TMEM132D: variants seen among roughly 807,000 people sequenced by gnomAD.
TMEM132D encodes transmembrane protein 132D.
TMEM132D carries 21 observed loss-of-function variants against 62.3 expected under a neutral mutation model. That is an observed-to-expected ratio of 0.34 (90% CI 0.24 to 0.49). The LOEUF (loss-of-function observed/expected upper bound fraction) is 0.49. Among genes scored for constraint, TMEM132D ranks in the 20% least tolerant of loss-of-function variants. TMEM132D has a pLI of 0.99. For synonymous variants in TMEM132D, 621 were observed against 575.6 expected (o/e 1.08, Z -1.13); for missense variants, 1,346 against 1,402.8 (o/e 0.96, Z 0.65).
intron 2 of TMEM132D, among the ~76,000 whole-genome samples, chr12:129,564,357 A>G (rs1877313534): frequency 6.6e-6 from 1 of 152,228 alleles, no homozygotes; most frequent in Non-Finnish European, 1.5e-5. Context: ...GATCTGACAG[A>G]ATTAACAGAC....
intron 3 of TMEM132D, among the ~76,000 whole-genome samples, chr12:129,420,830 C>T (rs891378363): frequency 1.3e-5 from 2 of 152,120 alleles, no homozygotes; most frequent in Admixed American, 6.5e-5. Context: ...GTGAGACAAC[C>T]CAGGAATGTT....
intron 1 of TMEM132D, among the ~76,000 whole-genome samples, chr12:129,733,387 T>TC (rs1220521576): frequency 2.6e-5 from 4 of 152,078 alleles, no homozygotes; most frequent in Admixed American, 2.0e-4. Context: ...CAGAGCCTGA[T>TC]CGCCCCAGAT....
intron 5 of TMEM132D, among the ~76,000 whole-genome samples, chr12:129,203,533 C>T (rs1341431938): frequency 6.6e-6 from 1 of 152,176 alleles, no homozygotes; most frequent in Non-Finnish European, 1.5e-5. Flanking sequence ...GTTACCCACC[C>T]CTGCCACTGG....
rs756348396 is a variant in TMEM132D at position 129,518,864 on chromosome 12, ATTTAC to A, written c.1115+12190_1115+12194del. Among the ~76,000 whole-genome samples, 73 of 152,182 alleles carry A rather than the reference ATTTAC, an allele frequency of 4.8e-4. 1 individual carries two copies. Among genetic ancestry groups the A allele is most frequent in the Admixed American group, 1.4e-3 (21 of 15,274 alleles). On this transcript the variant is annotated intron_variant, in intron 3 of 8. Transcript: ENST00000422113. Reference sequence around the variant, plus strand: ...GTGCTTAGGTATAATACTCCTGATTATTTACTTAAGATAAATCCTAAAATGTAGAA... The same window carrying A: ...GTGCTTAGGTATAATACTCCTGATTATTAAGATAAATCCTAAAATGTAGAA...
intron 4 of TMEM132D, among the ~76,000 whole-genome samples, chr12:129,215,384 G>C (rs937821766): frequency 2.6e-5 from 4 of 152,122 alleles, no homozygotes; most frequent in Admixed American, 6.6e-5. Context: ...TGGGTAGTAG[G>C]CTTAATACCT....
intron 1 of TMEM132D, among the ~76,000 whole-genome samples, chr12:129,823,471 T>G (rs1371244250): frequency 6.6e-6 from 1 of 152,234 alleles, no homozygotes; most frequent in African/African-American, 2.4e-5. Context: ...GGAGTCCTCC[T>G]AAAATCCACA....
At chr12:129,644,619 T>G (rs1011617276) in intron 2 of TMEM132D, among the ~76,000 whole-genome samples, 1 of 152,050 alleles carries the variant, frequency 6.6e-6, no homozygotes, top group African/African-American at 2.4e-5. Flanking sequence ...GTACTATATG[T>G]AACCATCAGA....
chr12:129,452,738 G>C (rs1040658482), intron 3 of TMEM132D, among the ~76,000 whole-genome samples: 1 of 152,142 alleles, frequency 6.6e-6, no homozygotes, highest in African/African-American at 2.4e-5. Context: ...GAGAGACAGA[G>C]AAAAGGGTAG....
chr12:129,638,196 T>C (rs962699419), intron 2 of TMEM132D, among the ~76,000 whole-genome samples: 2 of 152,208 alleles, frequency 1.3e-5, no homozygotes, highest in African/African-American at 4.8e-5. Context: ...TGGAGCCATG[T>C]GTCCTTACCC....
chr12:129,146,134 C>T (rs1449333103), intron 5 of TMEM132D, among the ~76,000 whole-genome samples: 2 of 151,828 alleles, frequency 1.3e-5, no homozygotes, highest in South Asian at 2.1e-4. Context: ...AGTGGTGTTC[C>T]AGTCTATCAT....
chr12:129,289,213 T>C (rs1881379870), intron 4 of TMEM132D, among the ~76,000 whole-genome samples: 1 of 152,174 alleles, frequency 6.6e-6, no homozygotes, highest in Non-Finnish European at 1.5e-5. Flanking sequence ...AGGAATGTAT[T>C]GTGTACTTGA....
At chr12:129,150,201 A>G (rs1457379037) in intron 5 of TMEM132D, among the ~76,000 whole-genome samples, 1 of 152,158 alleles carries the variant, frequency 6.6e-6, no homozygotes, top group African/African-American at 2.4e-5. Flanking sequence ...AAAGCCATCT[A>G]CTGCAGCATC....
intron 2 of TMEM132D, among the ~76,000 whole-genome samples, chr12:129,586,288 C>A (rs138364178): frequency 6.7e-6 from 1 of 150,014 alleles, no homozygotes; most frequent in African/African-American, 2.5e-5. Context: ...AACTTCAAGG[C>A]CACCTTCAAG....
chr12:129,688,227 G>C (rs1187058870), intron 2 of TMEM132D, among the ~76,000 whole-genome samples: 8 of 152,024 alleles, frequency 5.3e-5, no homozygotes, highest in Admixed American at 5.2e-4. Flanking sequence ...CAATCATACA[G>C]GAGAGAGAGA....
intron 2 of TMEM132D, among the ~76,000 whole-genome samples, chr12:129,596,007 G>A (rs545718585): frequency 6.6e-6 from 1 of 152,310 alleles, no homozygotes; most frequent in Admixed American, 6.5e-5. Context: ...TAAGTTCAAA[G>A]GCTTGAAACA....
Position 129,827,133 on chromosome 12 carries a change from T to A in TMEM132D, c.79+76128A>T, listed in dbSNP as rs1294892086. 2.6e-5 allele frequency among the ~76,000 whole-genome samples: 4 copies of A among 152,242 alleles called. No individual in the cohort carries two copies. The highest frequency in any genetic ancestry group is 1.5e-5 in the Non-Finnish European group (1 of 68,040). On this transcript the variant is annotated intron_variant, in intron 1 of 8. Transcript: ENST00000422113. The surrounding 1 kb of genome is among the most constrained non-coding windows in gnomAD (Gnocchi z 9.7). ...AACATCTCATAACAATCACTCTTAA[T>A]AATAGCAATTAATAATTAAGCGCGT...
intron 1 of TMEM132D, among the ~76,000 whole-genome samples, chr12:129,819,752 T>A (rs1412851408): frequency 2.6e-5 from 4 of 152,194 alleles, no homozygotes; most frequent in African/African-American, 9.7e-5. Context: ...TTATTCCTAG[T>A]ACCAGCACTA....
At chr12:129,747,807 T>C (rs1269903677) in intron 1 of TMEM132D, among the ~76,000 whole-genome samples, 1 of 142,720 alleles carries the variant, frequency 7.0e-6, no homozygotes, top group Non-Finnish European at 1.5e-5. Flanking sequence ...ACACATTTGA[T>C]ACACACACTT....
chr12:129,736,832 T>C lies in TMEM132D; in HGVS notation c.80-36134A>G, dbSNP rs1449472294. ...TGGTGCCTTTTTTTTTTTTTTTTTT[T>C]CTGAGACAGAGTTTTCCTCTGTCAC... On this transcript the variant is annotated intron_variant, in intron 1 of 8. Transcript: ENST00000422113. Among the ~76,000 whole-genome samples, 7 of 141,188 alleles carry C rather than the reference T, an allele frequency of 5.0e-5. No homozygotes were observed. In the East Asian group the frequency reaches 7.9e-4, roughly 16 times the overall value. 92.6% of individuals were successfully genotyped at this position (141,188 alleles called of 152,430 possible).
Sources: allele counts gnomAD v4.1 joint callset (sites outside exome capture counted in the v4.1 genomes callset), GRCh38; gene constraint gnomAD v4.1.1; non-coding constraint Gnocchi (gnomAD v3.1); transcripts MANE v1.5; gene names NCBI Gene and HGNC (gene_info 2026-07-23, HGNC 2026-07-21).